PLCH2: variants seen among roughly 807,000 people sequenced by gnomAD.
PLCH2 encodes 1-phosphatidylinositol 4,5-bisphosphate phosphodiesterase eta-2.
PLCH2 carries 98 observed loss-of-function variants against 134.7 expected under a neutral mutation model. The ratio of observed to expected loss-of-function variants is 0.73; its 90% confidence interval spans 0.62 to 0.86. The LOEUF (loss-of-function observed/expected upper bound fraction) is 0.86, where lower values mean the gene tolerates loss of function less well. Among genes scored for constraint, PLCH2 ranks in the 40% least tolerant of loss-of-function variants. The pLI, the probability that PLCH2 is intolerant of heterozygous loss-of-function variation, is 0.00. For missense variants in PLCH2, 1,994 were observed against 1,986.6 expected, an observed-to-expected ratio of 1.00 and a Z score of -0.07; for synonymous variants, 974 against 827.5, an observed-to-expected ratio of 1.18 and a Z score of -3.04.
At position 2,494,927 on chromosome 1, in the gene PLCH2, G is replaced by A. The variant is rs575242889; in HGVS notation, c.1731G>A (p.Val577=). 1.0e-4 allele frequency: 166 copies of A among 1,598,960 alleles called. 2 individuals are homozygous for A. In the East Asian group the frequency reaches 3.7e-3, roughly 35 times the overall value. ...GCAGACGCAATGGCCGCCTCGTCGT[G>A]GGAAGCTTCTCCAGGCGCAAGGTCC... ...GASRRNGRLV[V]GSFSRRKKKG... Residue 577 remains valine, a synonymous_variant, in exon 12 of 22, where the codon GTG becomes GTA. Coordinates refer to ENST00000378486, the MANE Select transcript of PLCH2 (RefSeq NM_014638.4).
At chr1:2,449,232 T>C (rs949177409) in intron 2 of PLCH2, among the ~76,000 whole-genome samples, 5 of 148,852 alleles carry the variant, frequency 3.4e-5, no homozygotes, top group East Asian at 2.0e-4. Flanking sequence ...GGCTCATGCC[T>C]GTAATCCCAG....
At position 2,496,609 on chromosome 1, in the gene PLCH2, C is replaced by A. The variant is rs369485909; in HGVS notation, c.1838C>A (p.Ala613Glu). The change falls in exon 14 of 22, where the codon GCG (alanine) becomes GAG (glutamate). Residue 613 changes from alanine (A) to glutamate (E), a missense_variant and splice_region_variant. This residue lies in a region of PLCH2 where 1,094 missense variants were observed against 1,234.3 expected (regional missense o/e 0.89). Coordinates refer to ENST00000378486, the MANE Select transcript of PLCH2 (RefSeq NM_014638.4). Reference sequence around the variant, plus strand: ...CTGACCCCCTGCACCTGCCACAGGGCGACCCGGCAGAAGAAGACCATGAAG... The same window carrying A: ...CTGACCCCCTGCACCTGCCACAGGGAGACCCGGCAGAAGAAGACCATGAAG... ...QDSPGGQSRG[A>E]TRQKKTMKLS... The A allele has an allele frequency of 6.2e-7, 1 of 1,609,590 alleles. No homozygotes were observed.
Position 2,489,255 on chromosome 1 carries a change from G to A in PLCH2, c.1284G>A (p.Gln428=). Residue 428 remains glutamine, a synonymous_variant, in exon 9 of 22, where the codon CAG becomes CAA. Transcript: ENST00000378486. The part of the protein sequence containing the change: ...SIENHCSVIQ[Q]KKMAQYLTDI... ...AAAACCACTGCAGTGTCATCCAGCA[G>A]AAGAAAATGGCCCAGTATCTGACTG... 1.2e-6 allele frequency: 2 copies of A among 1,613,932 alleles called. No individual in the cohort carries two copies. The highest frequency in any genetic ancestry group is 1.7e-6 in the Non-Finnish European group (2 of 1,179,888).
rs542685570 is a variant in PLCH2, at chr1:2,483,769, G to T, written c.646-679G>T. 7.9e-5 allele frequency among the ~76,000 whole-genome samples: 10 copies of T among 125,988 alleles called. 2 individuals are homozygous for T. The highest frequency in any genetic ancestry group is 2.7e-4 in the African/African-American group (9 of 33,896). 82.7% of individuals were successfully genotyped at this position (125,988 alleles called of 152,430 possible). A position where few individuals can be genotyped will look rare whatever the true frequency, so the allele number is the denominator to read the frequency against. ...GTGTGTTGTTGACCCCCGTTTGGGG[G>T]GGCGCTGACCCCCGTTTGGGGGGGC... On this transcript the variant is annotated intron_variant, in intron 4 of 21. Transcript: ENST00000378486.
intron 21 of PLCH2, chr1:2,503,143 G>A: frequency 1.5e-6 from 1 of 653,226 alleles, no homozygotes; most frequent in South Asian, 1.7e-5. Context: ...CTGGTTTGAG[G>A]CCCGACAGGC....
chr1:2,416,415 C>CTG, the PLCH2 span, among the ~76,000 whole-genome samples: 6 of 152,036 alleles, frequency 3.9e-5, no homozygotes, highest in African/African-American at 1.5e-4. Context: ...TAGGGTGCGG[C>CTG]CCTCGGGAAG....
chr1:2,475,601 C>T (rs947202492), upstream of PLCH2, among the ~76,000 whole-genome samples: 24 of 152,202 alleles, frequency 1.6e-4, no homozygotes, highest in Admixed American at 2.6e-4. Context: ...TGGGGTGGGT[C>T]CTCCTTGGGC....
In PLCH2 at chr1:2,498,049, T is replaced by G; in HGVS notation, c.2224+440T>G. ...TGGATGACTTCCAGCTTGGTCCCCC[T>G]GTGGCCCTGGCAGGAGTATCACCAT... On this transcript the variant is annotated intron_variant, in intron 16 of 21. Coordinates refer to ENST00000378486, the MANE Select transcript of PLCH2 (RefSeq NM_014638.4). This position sits in a 1 kb window ranked among gnomAD's most constrained non-coding sequence, Gnocchi z 5.4. 4.4e-6 allele frequency: 1 copy of G among 228,460 alleles called. No homozygotes were observed. Among genetic ancestry groups the G allele is most frequent in the African/African-American group, 2.2e-5 (1 of 44,560 alleles). 14.2% of individuals were successfully genotyped at this position (228,460 alleles called of 1,614,324 possible).
At chr1:2,478,381 C>A in intron 1 of PLCH2, 95 bp from the exon 2 acceptor site, 1 of 1,470,926 alleles carries the variant, frequency 6.8e-7, no homozygotes, top group Non-Finnish European at 9.3e-7. Flanking sequence ...CCGTGTTTCT[C>A]CCGTGAGGAG....
rs1357456358 is a variant in PLCH2, at chr1:2,436,118, C to CTCCCTTCCTCCCTGCTCCCTCA, written c.115+5511_115+5532dup. 3.2e-3 allele frequency among the ~76,000 whole-genome samples: 404 copies of CTCCCTTCCTCCCTGCTCCCTCA among 126,846 alleles called. 11 individuals are homozygous for CTCCCTTCCTCCCTGCTCCCTCA. Among genetic ancestry groups the CTCCCTTCCTCCCTGCTCCCTCA allele is most frequent in the African/African-American group, 0.012 (378 of 31,346 alleles). 83.2% of individuals were successfully genotyped at this position (126,846 alleles called of 152,430 possible). ...TCCTCTCTTCCTTCCTCCTCCCCTC[C>CTCCCTTCCTCCCTGCTCCCTCA]TCCCTTCCTCCCTGCTCCCTCATCC... On this transcript the variant is annotated intron_variant, in intron 2 of 3. Transcript: ENST00000609981.
intron 1 of PLCH2, among the ~76,000 whole-genome samples, chr1:2,471,261 C>T (rs1425530816): frequency 6.6e-6 from 1 of 152,282 alleles, no homozygotes; most frequent in East Asian, 1.9e-4. Context: ...CCCGAAGAGG[C>T]CAGAGAAAGG....
chr1:2,450,065 C>T (rs1372716974), intron 2 of PLCH2, among the ~76,000 whole-genome samples: 3 of 152,226 alleles, frequency 2.0e-5, no homozygotes, highest in Non-Finnish European at 4.4e-5. Context: ...TCTCCTGAGC[C>T]ACCTCAAGGA....
chr1:2,434,967 T>G (rs1201315689), intron 2 of PLCH2, among the ~76,000 whole-genome samples: 1 of 148,666 alleles, frequency 6.7e-6, no homozygotes, highest in Non-Finnish European at 1.5e-5. Context: ...GGCCCAGAGC[T>G]GGCTTCTCAG....
At chr1:2,497,755 G>T in intron 16 of PLCH2, 146 bp downstream of exon 16, 2 of 558,174 alleles carry the variant, frequency 3.6e-6, no homozygotes, top group Non-Finnish European at 6.5e-6. Flanking sequence ...AGGTTGGGAC[G>T]AAGCTCCCAG....
In PLCH2 at chr1:2,499,167, C is replaced by T. The variant is rs1643071225; in HGVS notation, c.2518C>T (p.His840Tyr). The T allele has an allele frequency of 1.2e-6, 2 of 1,613,218 alleles. No individual in the cohort carries two copies. The highest frequency in any genetic ancestry group is 4.5e-5 in the East Asian group (2 of 44,876). Residue 840 changes from histidine (H) to tyrosine (Y), a missense_variant, in exon 19 of 22, where the codon CAC becomes TAC. By Grantham distance (83) the His-to-Tyr change is moderately conservative. This residue lies in a region of PLCH2 where 1,094 missense variants were observed against 1,234.3 expected (regional missense o/e 0.89). Transcript: ENST00000378486. The part of the protein sequence containing the change: ...IALVRFLVWD[H>Y]DPIGRDFIGQ... ...GCTGGTCCGCTTCCTCGTCTGGGAC[C>T]ACGATCCCATCGGGCGTGACTTCAT... is the stretch of plus-strand genomic sequence containing the variant.
Position 2,496,884 on chromosome 1 carries a change from C to T in PLCH2, c.1990C>T (p.Gln664Ter), listed in dbSNP as rs1642923447. The change falls in exon 15 of 22, where the codon CAG (glutamine) becomes TAG (stop). Residue 664 changes from glutamine (Q) to a stop codon, truncating the protein, a stop_gained. Transcript: ENST00000378486. LOFTEE classifies it high-confidence loss of function. ...CGAGACCAAGGCCCACCAGATTCTG[C>T]AGCAGAAGCCGGCGCAGTACCTACG... ...FSETKAHQIL[Q>*]QKPAQYLRFN... 1 of 1,612,920 alleles carries T rather than the reference C, an allele frequency of 6.2e-7. No individual in the cohort carries two copies. The highest frequency in any genetic ancestry group is 1.3e-5 in the African/African-American group (1 of 74,956).
At chr1:2,503,620 G>T in intron 21 of PLCH2, 1 of 695,738 alleles carries the variant, frequency 1.4e-6, no homozygotes, top group Non-Finnish European at 2.6e-6. Context: ...TCCGTAGTTA[G>T]GAACTGAGAG....
At chr1:2,423,462 C>T (rs1054618883), upstream of PLCH2, among the ~76,000 whole-genome samples, 2 of 152,250 alleles carry the variant, frequency 1.3e-5, no homozygotes, top group Non-Finnish European at 2.9e-5. Flanking sequence ...ACGGAGACAG[C>T]AGGGTTTGCA....
At chr1:2,428,619 C>T (rs376084862) in intron 1 of PLCH2, among the ~76,000 whole-genome samples, 7 of 152,394 alleles carry the variant, frequency 4.6e-5, no homozygotes, top group African/African-American at 1.7e-4. Flanking sequence ...GTGCCAGCCC[C>T]AGCGGAGCCC....
Sources: gnomAD v4.1 joint callset for allele counts (sites outside exome capture counted in the v4.1 genomes callset) on GRCh38, gnomAD v4.1.1 for gene constraint, gnomAD v4.1.1 regional missense constraint, Gnocchi (gnomAD v3.1) non-coding constraint, MANE v1.5 for transcripts, NCBI Gene and HGNC (gene_info 2026-07-23, HGNC 2026-07-21) for gene names.